MAGI2: variants seen among roughly 807,000 people sequenced by gnomAD.
MAGI2 encodes the protein membrane-associated guanylate kinase, WW and PDZ domain-containing protein 2.
A neutral mutation model predicts 133.3 loss-of-function variants in MAGI2; 35 were observed. That is an observed-to-expected ratio of 0.26 (90% CI 0.20 to 0.35). The LOEUF is 0.35. Among genes scored for constraint, MAGI2 ranks in the 10% least tolerant of loss-of-function variants. MAGI2 has a pLI of 1.00. For missense variants in MAGI2, 1,636 were observed against 1,863.4 expected (o/e 0.88, Z 2.25); for synonymous variants, 729 against 710.6 (o/e 1.03, Z -0.41).
intron 2 of MAGI2, among the ~76,000 whole-genome samples, chr7:78,637,358 A>G (rs1809779213): frequency 6.6e-6 from 1 of 152,208 alleles, no homozygotes; most frequent in South Asian, 2.1e-4. Flanking sequence ...TATCTATGCA[A>G]CAGTATGGCT....
At chr7:78,208,893 T>C (rs1433337537) in intron 10 of MAGI2, among the ~76,000 whole-genome samples, 1 of 152,018 alleles carries the variant, frequency 6.6e-6, no homozygotes. Flanking sequence ...TAGTGTTCCT[T>C]ATTTTGGGAA....
chr7:78,309,715 T>C (rs1159070673), intron 9 of MAGI2, among the ~76,000 whole-genome samples: 1 of 152,168 alleles, frequency 6.6e-6, no homozygotes, highest in East Asian at 1.9e-4. Context: ...GGTCTTTCAA[T>C]AGCACAATGG....
chr7:78,335,530 G>A (rs1789670209), intron 9 of MAGI2, among the ~76,000 whole-genome samples: 1 of 152,162 alleles, frequency 6.6e-6, no homozygotes, highest in Admixed American at 6.5e-5. Context: ...CATTAGACAT[G>A]TGAGCACCAC....
At chr7:79,142,222 A>C (rs1822206632) in intron 1 of MAGI2, among the ~76,000 whole-genome samples, 1 of 152,116 alleles carries the variant, frequency 6.6e-6, no homozygotes, top group Non-Finnish European at 1.5e-5. Flanking sequence ...CTAATTTCCC[A>C]CTTATTTTAT....
At chr7:78,167,789 A>G (rs1825752335) in intron 15 of MAGI2, 127 bp downstream of exon 15, 1 of 838,496 alleles carries the variant, frequency 1.2e-6, no homozygotes, top group Admixed American at 2.4e-5. Context: ...TGGAATATCT[A>G]GGTTGTTTCC....
chr7:79,073,332 C>A lies in MAGI2; in HGVS notation c.302-66126G>T, dbSNP rs75619642. Among the ~76,000 whole-genome samples, 295 of 152,276 alleles carry A rather than the reference C, an allele frequency of 1.9e-3. 4 individuals carry two copies. The East Asian group carries it at 0.025, about 13-fold the overall frequency. On this transcript the variant is annotated intron_variant, in intron 1 of 21. Transcript: ENST00000354212. ...AGGGGATTAGGTGTTGAATTTGGTT[C>A]TTCCTTGTTCTCCACTAACTCTTAG...
intron 1 of MAGI2, among the ~76,000 whole-genome samples, chr7:79,292,459 C>CA (rs892690687): frequency 3.8e-4 from 57 of 149,354 alleles, no homozygotes; most frequent in African/African-American, 1.2e-3. Flanking sequence ...CTGTCTCTAC[C>CA]AAAAAAAATA....
chr7:78,669,616 A>C (rs200197763), intron 2 of MAGI2, among the ~76,000 whole-genome samples: 9,288 of 149,810 alleles, frequency 0.062, 342 homozygotes, highest in East Asian at 0.12. Context: ...GAGACACAAC[A>C]AAAAAAGAGA....
At chr7:78,866,757 A>T (rs1248983906) in intron 2 of MAGI2, among the ~76,000 whole-genome samples, 1 of 151,986 alleles carries the variant, frequency 6.6e-6, no homozygotes, top group East Asian at 1.9e-4. Flanking sequence ...GTTGAGGAAG[A>T]CTCCACATAC....
intron 1 of MAGI2, among the ~76,000 whole-genome samples, chr7:79,147,546 T>C (rs1487180275): frequency 6.6e-6 from 1 of 152,184 alleles, no homozygotes; most frequent in Non-Finnish European, 1.5e-5. Flanking sequence ...GGTCGGTGCC[T>C]CAAAGACCAT....
At chr7:78,316,006 G>A (rs1038538526) in intron 9 of MAGI2, among the ~76,000 whole-genome samples, 5 of 152,008 alleles carry the variant, frequency 3.3e-5, no homozygotes, top group Admixed American at 6.6e-5. Context: ...TCAATCCATC[G>A]GGAGTCTCTG....
intron 9 of MAGI2, among the ~76,000 whole-genome samples, chr7:78,280,853 C>CA (rs36097343): frequency 0.65 from 70,720 of 108,072 alleles, 22,874 homozygotes; most frequent in Middle Eastern, 0.72. Context: ...GATGGGTATA[C>CA]AAAAAAAAAA....
At chr7:78,312,969 C>T (rs747587022) in intron 9 of MAGI2, among the ~76,000 whole-genome samples, 32 of 148,946 alleles carry the variant, frequency 2.1e-4, no homozygotes, top group South Asian at 8.4e-4. Context: ...TATGTATATA[C>T]ACACACACAC....
intron 2 of MAGI2, among the ~76,000 whole-genome samples, chr7:78,819,787 T>C (rs1789931427): frequency 6.6e-6 from 1 of 152,044 alleles, no homozygotes; most frequent in Non-Finnish European, 1.5e-5. Context: ...GAAAGTTTTA[T>C]AATCATCTAA....
intron 9 of MAGI2, among the ~76,000 whole-genome samples, chr7:78,337,035 A>G (rs73134560): frequency 0.053 from 8,009 of 152,262 alleles, 319 homozygotes; most frequent in African/African-American, 0.1. Context: ...TAGCCTAGGG[A>G]AAAACACAAA....
At chr7:79,355,126 T>G (rs1414740732) in intron 1 of MAGI2, among the ~76,000 whole-genome samples, 1 of 152,182 alleles carries the variant, frequency 6.6e-6, no homozygotes, top group African/African-American at 2.4e-5. Context: ...GTGATACTCA[T>G]TTCCTCTTTA....
intron 1 of MAGI2, among the ~76,000 whole-genome samples, chr7:79,292,286 T>C (rs1193459343): frequency 2.0e-5 from 3 of 152,124 alleles, no homozygotes; most frequent in African/African-American, 7.2e-5. Context: ...TATTTATTTA[T>C]GCCAGTACAA....
intron 6 of MAGI2, among the ~76,000 whole-genome samples, chr7:78,480,634 C>T (rs1006602993): frequency 1.3e-5 from 2 of 151,830 alleles, no homozygotes; most frequent in African/African-American, 4.8e-5. Context: ...TAAGAAATAT[C>T]TTATGATTAT....
intron 2 of MAGI2, among the ~76,000 whole-genome samples, chr7:78,733,574 G>A (rs1367154569): frequency 6.6e-6 from 1 of 152,068 alleles, no homozygotes; most frequent in East Asian, 1.9e-4. Flanking sequence ...TAAATTCAGT[G>A]AAATCAATAA....
Sources: gnomAD v4.1 joint callset for allele counts (sites outside exome capture counted in the v4.1 genomes callset) on GRCh38, gnomAD v4.1.1 for gene constraint, MANE v1.5 for transcripts, NCBI Gene and HGNC (gene_info 2026-07-23, HGNC 2026-07-21) for gene names.